FAM171A1: variants seen among roughly 807,000 people sequenced by gnomAD.
FAM171A1 encodes protein FAM171A1.
Under a neutral mutation model 74.9 loss-of-function variants are expected in FAM171A1, and 23 were observed. That is an observed-to-expected ratio of 0.31 (90% CI 0.22 to 0.44). The LOEUF (loss-of-function observed/expected upper bound fraction) is 0.44, where lower values mean the gene tolerates loss of function less well. Ranked by LOEUF, FAM171A1 falls within the 20% of genes least tolerant of loss-of-function variation. The pLI is 1.00. For missense variants in FAM171A1, 1,162 were observed against 1,159.2 expected, an observed-to-expected ratio of 1.00 and a Z score of -0.03; for synonymous variants, 527 against 505.7, an observed-to-expected ratio of 1.04 and a Z score of -0.57.
At chr10:15,326,824 T>C (rs905085278) in intron 1 of FAM171A1, among the ~76,000 whole-genome samples, 1 of 152,106 alleles carries the variant, frequency 6.6e-6, no homozygotes, top group African/African-American at 2.4e-5. Flanking sequence ...GACAGGGTTT[T>C]GGCATGTTAG....
intron 5 of FAM171A1, among the ~76,000 whole-genome samples, chr10:15,226,271 A>G (rs1289851304): frequency 6.6e-6 from 1 of 152,124 alleles, no homozygotes; most frequent in African/African-American, 2.4e-5. Flanking sequence ...CTCTGTTCCA[A>G]TCAACGCCTA....
intron 1 of FAM171A1, among the ~76,000 whole-genome samples, chr10:15,310,583 T>C (rs981774277): frequency 1.3e-5 from 2 of 152,100 alleles, no homozygotes; most frequent in Admixed American, 6.6e-5. Context: ...CCATTGGGGC[T>C]GGGCATGGTG....
chr10:15,213,076 G>T lies in FAM171A1; in HGVS notation c.2512C>A (p.Arg838=). The T allele has an allele frequency of 6.2e-7, 1 of 1,613,602 alleles. No homozygotes were observed. Among genetic ancestry groups the T allele is most frequent in the Non-Finnish European group, 8.5e-7 (1 of 1,179,814 alleles). The change falls in exon 8 of 8, where the codon CGG becomes AGG. Residue 838 remains arginine, a synonymous_variant. Transcript: ENST00000378116. The surrounding 1 kb of genome is among the most constrained non-coding windows in gnomAD (Gnocchi z 6.8). Reference sequence around the variant, plus strand: ...GGCTCCGAGGGGGCATCCGCAGTCCGTCTGGTCGTCTCCTCCTGCAGGCTG... The same window carrying T: ...GGCTCCGAGGGGGCATCCGCAGTCCTTCTGGTCGTCTCCTCCTGCAGGCTG... ...LPSLQEETTR[R]TADAPSEPAA... is the part of the protein sequence containing the mutation.
chr10:15,333,827 G>A (rs1269830853), intron 1 of FAM171A1, among the ~76,000 whole-genome samples: 5 of 151,140 alleles, frequency 3.3e-5, no homozygotes, highest in South Asian at 2.1e-4. Context: ...GAGTGAGACC[G>A]TGTCTCAAAG....
chr10:15,301,273 A>G (rs981424146), intron 1 of FAM171A1, among the ~76,000 whole-genome samples: 2 of 152,072 alleles, frequency 1.3e-5, no homozygotes, highest in Non-Finnish European at 2.9e-5. Flanking sequence ...TCTGGGTTCA[A>G]GCAATTTTCG....
chr10:15,225,764 A>G (rs1834098604), intron 5 of FAM171A1, among the ~76,000 whole-genome samples: 1 of 152,168 alleles, frequency 6.6e-6, no homozygotes, highest in South Asian at 2.1e-4. Context: ...AGACAGAGCA[A>G]GGGAGGAACC....
At chr10:15,247,756 A>T (rs894722556) in intron 5 of FAM171A1, among the ~76,000 whole-genome samples, 8 of 152,192 alleles carry the variant, frequency 5.3e-5, no homozygotes, top group Non-Finnish European at 1.2e-4. Context: ...TACAGGTGTC[A>T]GCCACCACAC....
At chr10:15,274,640 A>C (rs1834869324) in intron 3 of FAM171A1, among the ~76,000 whole-genome samples, 1 of 152,228 alleles carries the variant, frequency 6.6e-6, no homozygotes. Context: ...AAACTATACT[A>C]CAAGGTTACA....
intron 3 of FAM171A1, among the ~76,000 whole-genome samples, chr10:15,273,181 T>C (rs567910805): frequency 1.3e-5 from 2 of 152,104 alleles, no homozygotes; most frequent in South Asian, 2.1e-4. Context: ...AAGAATCAAA[T>C]AGAAGCAATA....
At chr10:15,252,833 T>C (rs1211694868) in intron 4 of FAM171A1, among the ~76,000 whole-genome samples, 1 of 152,192 alleles carries the variant, frequency 6.6e-6, no homozygotes, top group African/African-American at 2.4e-5. Context: ...TAGTGTTCGT[T>C]TTCCCCCATT....
intron 5 of FAM171A1, chr10:15,237,621 T>A (rs959436618): frequency 3.9e-5 from 6 of 152,190 alleles, no homozygotes; most frequent in Non-Finnish European, 7.3e-5. Context: ...AACTGGCATC[T>A]CCATGAAAAG....
intron 5 of FAM171A1, among the ~76,000 whole-genome samples, chr10:15,243,382 T>A (rs1484770512): frequency 6.6e-6 from 1 of 152,008 alleles, no homozygotes; most frequent in Non-Finnish European, 1.5e-5. Context: ...TATAAGGTAA[T>A]ATCCACAGGG....
intron 3 of FAM171A1, among the ~76,000 whole-genome samples, chr10:15,255,305 G>A (rs1467980263): frequency 6.6e-6 from 1 of 152,048 alleles, no homozygotes; most frequent in African/African-American, 2.4e-5. Context: ...TAATCTCCCT[G>A]GAAAAATCTG....
At chr10:15,369,335 A>T (rs922077755) in intron 1 of FAM171A1, among the ~76,000 whole-genome samples, 6 of 151,114 alleles carry the variant, frequency 4.0e-5, no homozygotes, top group African/African-American at 1.5e-4. Context: ...TTGCTCTTTA[A>T]AATTAACGGC....
At chr10:15,344,668 G>A (rs1835799881) in intron 1 of FAM171A1, among the ~76,000 whole-genome samples, 1 of 152,164 alleles carries the variant, frequency 6.6e-6, no homozygotes, top group African/African-American at 2.4e-5. Flanking sequence ...TTGCTTATCT[G>A]AAATGCAAAT....
rs1477674662 is a variant in FAM171A1, at chr10:15,213,300, T to C, written c.2288A>G (p.Gln763Arg). The C allele has an allele frequency of 6.2e-7, 1 of 1,614,032 alleles. No homozygotes were observed. Among genetic ancestry groups the C allele is most frequent in the African/African-American group, 1.3e-5 (1 of 74,912 alleles). ...CTCTTGGACGGGCGGGTAGTTCTGCTGCAGAGACAAAGCATCTCCCCTTCC... is the reference window on the plus strand; with the variant it reads ...CTCTTGGACGGGCGGGTAGTTCTGCCGCAGAGACAAAGCATCTCCCCTTCC... Reference protein sequence around the residue: ...RKGRGDALSLQQNYPPVQEHQ... With the variant: ...RKGRGDALSLRQNYPPVQEHQ... The change falls in exon 8 of 8, where the codon CAG becomes CGG. Residue 763 changes from glutamine to arginine, a missense_variant. Physicochemically the swap from Gln to Arg is conservative, Grantham distance 43. Coordinates refer to ENST00000378116, the MANE Select transcript of FAM171A1 (RefSeq NM_001010924.2). This position sits in a 1 kb window ranked among gnomAD's most constrained non-coding sequence, Gnocchi z 6.8.
intron 1 of FAM171A1, among the ~76,000 whole-genome samples, chr10:15,307,646 C>CAAAAAA (rs560861841): frequency 1.1e-5 from 1 of 93,162 alleles, no homozygotes; most frequent in African/African-American, 4.7e-5. Flanking sequence ...AACTCCATTT[C>CAAAAAA]AAAAAAAAAA....
At chr10:15,361,909 A>G (rs1015207726) in intron 1 of FAM171A1, among the ~76,000 whole-genome samples, 5 of 152,334 alleles carry the variant, frequency 3.3e-5, no homozygotes, top group South Asian at 2.1e-4. Context: ...TTTCTCATTA[A>G]GTGTATGCCT....
At chr10:15,237,825 G>A (rs750466972) in intron 5 of FAM171A1, among the ~76,000 whole-genome samples, 13 of 151,700 alleles carry the variant, frequency 8.6e-5, no homozygotes, top group Non-Finnish European at 1.5e-4. Flanking sequence ...ACCCCTAAGA[G>A]TGATTTTGAC....
Sources: gnomAD v4.1 joint callset for allele counts (sites outside exome capture counted in the v4.1 genomes callset) on GRCh38, gnomAD v4.1.1 for gene constraint, Gnocchi (gnomAD v3.1) non-coding constraint, MANE v1.5 for transcripts, NCBI Gene and HGNC (gene_info 2026-07-23, HGNC 2026-07-21) for gene names.